The following CTNNA3 variants were observed in gnomAD, a reference collection of about 807,000 sequenced individuals.
CTNNA3 encodes the protein catenin alpha 3.
In CTNNA3, 76 loss-of-function variants were observed where a neutral mutation model predicts 95.7. The ratio of observed to expected loss-of-function variants is 0.79; its 90% confidence interval spans 0.66 to 0.96. CTNNA3 has a LOEUF of 0.96. Among genes scored for constraint, CTNNA3 ranks in the 40% least tolerant of loss-of-function variants. The probability of loss-of-function intolerance (pLI) is 0.00; values close to 1 mark genes in which losing one functional copy is unlikely to be tolerated. For missense variants in CTNNA3, 1,191 were observed against 1,089.8 expected (o/e 1.09, Z -1.31); for synonymous variants, 431 against 374.4 (o/e 1.15, Z -1.74).
rs144710674 is a variant in CTNNA3, at chr10:66,821,184, G to A, written c.1048-45660C>T. Among the ~76,000 whole-genome samples, 107 of 152,134 alleles carry A rather than the reference G, an allele frequency of 7.0e-4. No individual in the cohort carries two copies. The East Asian group carries it at 0.017, about 24-fold the overall frequency. On this transcript the variant is annotated intron_variant, in intron 7 of 17. Transcript: ENST00000433211. Reference sequence around the variant, plus strand: ...TCCTTGTAAATTTTGTGATTATGACGTATTTGAAAAAAATTGTAATTAGAT... The same window carrying A: ...TCCTTGTAAATTTTGTGATTATGACATATTTGAAAAAAATTGTAATTAGAT...
At chr10:66,772,025 G>A (rs988784684) in intron 8 of CTNNA3, among the ~76,000 whole-genome samples, 3 of 51,804 alleles carry the variant, frequency 5.8e-5, no homozygotes, top group Admixed American at 4.8e-4. Context: ...AGAGTGAGTG[G>A]GGAAGGCATC....
chr10:66,395,737 G>A (rs34992774), intron 11 of CTNNA3, among the ~76,000 whole-genome samples: 14,401 of 151,910 alleles, frequency 0.095, 910 homozygotes, highest in Middle Eastern at 0.18. Flanking sequence ...AATTTCACCA[G>A]CATCAGTAAT....
chr10:66,099,011 G>C (rs191780840), intron 14 of CTNNA3, among the ~76,000 whole-genome samples: 1 of 152,144 alleles, frequency 6.6e-6, no homozygotes, highest in Non-Finnish European at 1.5e-5. Flanking sequence ...AATAATAAAT[G>C]ATGTTGAGCT....
intron 13 of CTNNA3, among the ~76,000 whole-genome samples, chr10:66,204,105 C>T (rs1316275400): frequency 1.3e-5 from 2 of 152,072 alleles, no homozygotes; most frequent in Non-Finnish European, 1.5e-5. Context: ...ACTCCAAAAG[C>T]TCAATAAGAG....
chr10:65,924,327 A>G (rs1248743260), intron 17 of CTNNA3, among the ~76,000 whole-genome samples: 1 of 152,142 alleles, frequency 6.6e-6, no homozygotes, highest in Non-Finnish European at 1.5e-5. Context: ...GCTGTATAAT[A>G]ATATTAAACC....
At chr10:66,816,971 T>C (rs113716200) in intron 7 of CTNNA3, among the ~76,000 whole-genome samples, 32 of 152,136 alleles carry the variant, frequency 2.1e-4, no homozygotes, top group African/African-American at 7.2e-4. Context: ...TATTTTGAGA[T>C]ATATTAAAGC....
At chr10:67,363,065 A>G (rs1843056524) in intron 5 of CTNNA3, among the ~76,000 whole-genome samples, 1 of 151,768 alleles carries the variant, frequency 6.6e-6, no homozygotes, top group African/African-American at 2.4e-5. Flanking sequence ...CAAGGAGGTA[A>G]AAGATCTCTA....
intron 13 of CTNNA3, among the ~76,000 whole-genome samples, chr10:66,183,314 C>T (rs2086151391): frequency 6.6e-6 from 1 of 152,172 alleles, no homozygotes; most frequent in Non-Finnish European, 1.5e-5. Flanking sequence ...ACTTCTGTCT[C>T]CTTTTATTCA....
intron 13 of CTNNA3, among the ~76,000 whole-genome samples, chr10:66,223,571 ATTTG>A (rs780581442): frequency 1.6e-4 from 24 of 152,146 alleles, no homozygotes; most frequent in African/African-American, 3.9e-4. Flanking sequence ...TTTCAGAGGT[ATTTG>A]TTTGTTTTGA....
At chr10:67,432,393 A>T (rs1439422209) in intron 5 of CTNNA3, among the ~76,000 whole-genome samples, 1 of 152,056 alleles carries the variant, frequency 6.6e-6, no homozygotes, top group African/African-American at 2.4e-5. Flanking sequence ...AAAACAACGT[A>T]AATTTATTCT....
intron 1 of CTNNA3, among the ~76,000 whole-genome samples, chr10:67,691,335 A>G (rs1293377225): frequency 6.6e-6 from 1 of 150,702 alleles, no homozygotes; most frequent in Non-Finnish European, 1.5e-5. Flanking sequence ...AGTGAGGAGC[A>G]TCTCCGCCTG....
At chr10:67,068,822 G>T (rs1856255011) in intron 7 of CTNNA3, among the ~76,000 whole-genome samples, 1 of 152,198 alleles carries the variant, frequency 6.6e-6, no homozygotes, top group Non-Finnish European at 1.5e-5. Flanking sequence ...CACTTTGGGA[G>T]GCTGAGGCAG....
chr10:67,458,752 C>A (rs151322012), intron 5 of CTNNA3, among the ~76,000 whole-genome samples: 1 of 152,060 alleles, frequency 6.6e-6, no homozygotes, highest in Non-Finnish European at 1.5e-5. Context: ...ACCATCAGAT[C>A]TCTTAAGAAT....
At chr10:66,073,191 T>G (rs550374270) in intron 14 of CTNNA3, among the ~76,000 whole-genome samples, 1 of 152,224 alleles carries the variant, frequency 6.6e-6, no homozygotes, top group South Asian at 2.1e-4. Context: ...GAGGAATAAG[T>G]TCAAGAAATC....
chr10:66,120,269 G>A (rs546382842), intron 13 of CTNNA3, among the ~76,000 whole-genome samples: 1 of 152,136 alleles, frequency 6.6e-6, no homozygotes, highest in Non-Finnish European at 1.5e-5. Context: ...ATCTTATAGG[G>A]TTGTTGTGAG....
At chr10:67,225,523 AGC>A (rs1283778858) in intron 5 of CTNNA3, among the ~76,000 whole-genome samples, 1 of 152,152 alleles carries the variant, frequency 6.6e-6, no homozygotes, top group Non-Finnish European at 1.5e-5. Context: ...CAGCTGAGAG[AGC>A]CATATATGGT....
At chr10:66,771,525 A>G (rs1257967240) in intron 8 of CTNNA3, among the ~76,000 whole-genome samples, 1 of 152,188 alleles carries the variant, frequency 6.6e-6, no homozygotes, top group Non-Finnish European at 1.5e-5. Flanking sequence ...TCAGTGTATT[A>G]GGCACTGGGA....
At chr10:66,923,407 C>T (rs1222579500) in intron 7 of CTNNA3, among the ~76,000 whole-genome samples, 1 of 152,136 alleles carries the variant, frequency 6.6e-6, no homozygotes, top group East Asian at 1.9e-4. Context: ...TTGGGCAAAA[C>T]AGATGTCTCA....
intron 9 of CTNNA3, among the ~76,000 whole-genome samples, chr10:66,639,530 C>T (rs1845446498): frequency 6.6e-6 from 1 of 152,112 alleles, no homozygotes; most frequent in Non-Finnish European, 1.5e-5. Context: ...AGATGACTAA[C>T]CCAAAGGGAT....
Sources: allele counts gnomAD v4.1 joint callset (sites outside exome capture counted in the v4.1 genomes callset), GRCh38; gene constraint gnomAD v4.1.1; transcripts MANE v1.5; gene names NCBI Gene and HGNC (gene_info 2026-07-23, HGNC 2026-07-21).